Variants in INO80 observed in about 807,000 individuals in gnomAD.
The protein encoded by INO80 is INO80 complex ATPase subunit.
In INO80, 20 loss-of-function variants were observed where a neutral mutation model predicts 203.4. The ratio of observed to expected loss-of-function variants is 0.10; its 90% CI spans 0.07 to 0.14. The LOEUF is 0.14. Among genes scored for constraint, INO80 ranks in the 10% least tolerant of loss-of-function variants. The probability of loss-of-function intolerance (pLI) is 1.00; values close to 1 mark genes in which losing one functional copy is unlikely to be tolerated. For synonymous variants in INO80, 726 were observed against 685.2 expected (o/e 1.06, Z -0.93); for missense variants, 1,419 against 1,914.4 (o/e 0.74, Z 4.83).
chr15:41,040,516 G>A (rs1210804543), intron 24 of INO80, among the ~76,000 whole-genome samples: 8 of 152,234 alleles, frequency 5.3e-5, no homozygotes, highest in East Asian at 3.9e-4. Flanking sequence ...AATTATCTTC[G>A]CGAATTTGTT....
At chr15:41,027,046 TCACTTTTCAGATGG>T (rs1157003075) in intron 25 of INO80, among the ~76,000 whole-genome samples, 1 of 152,182 alleles carries the variant, frequency 6.6e-6, no homozygotes, top group Admixed American at 6.5e-5. Context: ...GATACAACAG[TCACTTTTCAGATGG>T]AACAGACATG....
chr15:41,075,473 G>A (rs562028384), intron 9 of INO80, among the ~76,000 whole-genome samples: 1 of 151,620 alleles, frequency 6.6e-6, no homozygotes, highest in Admixed American at 6.6e-5. Context: ...GGGGAGGCGG[G>A]GGGCAGAGTC....
At chr15:41,092,999 C>T (rs2045667257) in intron 4 of INO80, among the ~76,000 whole-genome samples, 1 of 152,156 alleles carries the variant, frequency 6.6e-6, no homozygotes, top group Non-Finnish European at 1.5e-5. Flanking sequence ...TGCACCACTG[C>T]ACTCCAACCT....
intron 29 of INO80, among the ~76,000 whole-genome samples, chr15:40,988,527 G>T (rs577360768): frequency 5.3e-5 from 8 of 151,676 alleles, no homozygotes; most frequent in Non-Finnish European, 1.0e-4. Context: ...CAGAGGTTGC[G>T]GTGAGCTGAG....
intron 13 of INO80, among the ~76,000 whole-genome samples, 197 bp from the exon 14 acceptor site, chr15:41,069,862 T>C (rs1233749875): frequency 1.3e-5 from 2 of 152,132 alleles, no homozygotes; most frequent in East Asian, 3.8e-4. Context: ...GAGAAAAAAA[T>C]GGCAAGCAAC....
At chr15:41,115,083 T>C (rs1326810318) in intron 1 of INO80, among the ~76,000 whole-genome samples, 1 of 152,198 alleles carries the variant, frequency 6.6e-6, no homozygotes, top group Admixed American at 6.5e-5. Context: ...AAAGCCACAA[T>C]AATTTTGTTG....
In INO80 at chr15:41,074,396, A is replaced by T. The variant is rs755720066; in HGVS notation, c.1301T>A (p.Val434Glu). 1 of 1,612,704 alleles carries T rather than the reference A, an allele frequency of 6.2e-7. No individual in the cohort carries two copies. Among genetic ancestry groups the T allele is most frequent in the South Asian group, 1.1e-5 (1 of 90,700 alleles). Residue 434 changes from valine to glutamate, a missense_variant, in exon 10 of 36, where the codon GTA (valine) becomes GAA (glutamate). Physicochemically the swap from Val to Glu is moderately radical, Grantham distance 121. Coordinates refer to ENST00000648947, the MANE Select transcript of INO80 (RefSeq NM_017553.3). ...QRQIDIGGGVVVNITQEDYDS... is the reference protein window; with the variant it reads ...QRQIDIGGGVEVNITQEDYDS... Reference sequence around the variant, plus strand: ...ATAATCCTCCTGTGTGATGTTAACTACCACTCCTCCACCTATATCGATTTG... The same window carrying T: ...ATAATCCTCCTGTGTGATGTTAACTTCCACTCCTCCACCTATATCGATTTG...
intron 29 of INO80, among the ~76,000 whole-genome samples, chr15:40,994,541 A>G (rs1298908103): frequency 6.6e-6 from 1 of 150,998 alleles, no homozygotes; most frequent in Non-Finnish European, 1.5e-5. Flanking sequence ...ATTTTTTTGT[A>G]TTTTTATTAG....
At chr15:40,997,765 GC>G (rs2043898791) in intron 28 of INO80, 164 bp from the exon 29 acceptor site, 1 of 522,118 alleles carries the variant, frequency 1.9e-6, no homozygotes, top group African/African-American at 1.9e-5. Flanking sequence ...ATACAATGTT[GC>G]TCTGTTGTTA....
chr15:40,997,663 T>C (rs950876014), intron 28 of INO80, 62 bp from the exon 29 acceptor site: 4 of 1,057,682 alleles, frequency 3.8e-6, no homozygotes, highest in Admixed American at 1.7e-5. Context: ...CATGTATCAA[T>C]AGAGAGAGAT....
intron 1 of INO80, among the ~76,000 whole-genome samples, chr15:41,107,721 G>A (rs1214054418): frequency 6.6e-6 from 1 of 151,960 alleles, no homozygotes; most frequent in Non-Finnish European, 1.5e-5. Flanking sequence ...AATTGCTTGA[G>A]CCTGGGAAAC....
intron 19 of INO80, among the ~76,000 whole-genome samples, chr15:41,053,063 C>T (rs991170830): frequency 6.6e-6 from 1 of 151,978 alleles, no homozygotes; most frequent in Non-Finnish European, 1.5e-5. Context: ...TGCTGAGAGA[C>T]AGACCATCCA....
Position 41,049,283 on chromosome 15 carries a change from C to G in INO80, c.2576+4G>C. On this transcript the variant is annotated splice_donor_region_variant and intron_variant, in intron 21 of 35. Coordinates refer to ENST00000648947, the MANE Select transcript of INO80 (RefSeq NM_017553.3). ...ATAGTGAACAGATAGTAATACTTCC[C>G]TACCTGTCTCGTGAATGATTGAAGA... is the stretch of plus-strand genomic sequence containing the variant. The G allele has an allele frequency of 6.2e-7, 1 of 1,610,496 alleles. No homozygotes were observed. The highest frequency in any genetic ancestry group is 2.2e-5 in the East Asian group (1 of 44,762).
chr15:40,996,316 A>T (rs746754439), intron 29 of INO80, among the ~76,000 whole-genome samples: 4 of 152,176 alleles, frequency 2.6e-5, no homozygotes, highest in Admixed American at 6.5e-5. Flanking sequence ...TAATTTTGAG[A>T]TTCAAAAAGA....
At chr15:41,017,370 T>A (rs2044226626) in intron 26 of INO80, 2 of 152,022 alleles carry the variant, frequency 1.3e-5, no homozygotes, top group Non-Finnish European at 2.9e-5. Context: ...AGGGGTTGGG[T>A]AAGAGTATAT....
At chr15:40,999,462 C>G (rs759019485) in intron 28 of INO80, 17 of 152,216 alleles carry the variant, frequency 1.1e-4, no homozygotes, top group Non-Finnish European at 2.2e-4. Context: ...CTGTACAAAT[C>G]TGCCCATTAT....
At chr15:41,065,359 T>C (rs916961967) in intron 14 of INO80, among the ~76,000 whole-genome samples, 6 of 150,144 alleles carry the variant, frequency 4.0e-5, no homozygotes, top group Admixed American at 3.3e-4. Flanking sequence ...TGCTTGAACC[T>C]GGGAGGCGGA....
chr15:41,094,346 G>A (rs2045688471), intron 4 of INO80, among the ~76,000 whole-genome samples: 1 of 152,162 alleles, frequency 6.6e-6, no homozygotes, highest in Admixed American at 6.5e-5. Flanking sequence ...ATACTAAGTT[G>A]TTTCTTTTCT....
intron 1 of INO80, among the ~76,000 whole-genome samples, chr15:41,110,167 A>G (rs2045938460): frequency 6.6e-6 from 1 of 151,004 alleles, no homozygotes; most frequent in African/African-American, 2.4e-5. Flanking sequence ...TTATTTTGAG[A>G]TGGAGTTCCC....
Sources: allele counts gnomAD v4.1 joint callset (sites outside exome capture counted in the v4.1 genomes callset), GRCh38; gene constraint gnomAD v4.1.1; transcripts MANE v1.5; gene names NCBI Gene and HGNC (gene_info 2026-07-23, HGNC 2026-07-21).